Variants in CEP112 observed in about 807,000 individuals in gnomAD.
CEP112 encodes centrosomal protein of 112 kDa.
In CEP112, 127 loss-of-function variants were observed where a neutral mutation model predicts 153.0. The ratio of observed to expected loss-of-function variants is 0.83; its 90% CI spans 0.72 to 0.96. CEP112 has a LOEUF of 0.96. Among genes scored for constraint, CEP112 ranks in the 40% least tolerant of loss-of-function variants. CEP112 has a pLI of 0.00. For synonymous variants in CEP112, 358 were observed against 374.4 expected (o/e 0.96, Z 0.51); for missense variants, 1,089 against 1,101.2 (o/e 0.99, Z 0.16).
chr17:65,916,538 T>TA (rs2060498999), intron 19 of CEP112, among the ~76,000 whole-genome samples: 27 of 150,936 alleles, frequency 1.8e-4, no homozygotes, highest in Non-Finnish European at 2.1e-4. Context: ...GAAAACAGCT[T>TA]CTTTTTTTTT....
At chr17:66,154,377 TG>T (rs544661195) in intron 4 of CEP112, among the ~76,000 whole-genome samples, 29 of 149,096 alleles carry the variant, frequency 1.9e-4, no homozygotes, top group South Asian at 8.7e-4. Flanking sequence ...TAGCTGGGTG[TG>T]GGGGGGGGAG....
At chr17:65,892,689 A>C (rs1274281159) in intron 20 of CEP112, among the ~76,000 whole-genome samples, 1 of 152,130 alleles carries the variant, frequency 6.6e-6, no homozygotes, top group Non-Finnish European at 1.5e-5. Context: ...GTCTAACGAC[A>C]GCTTTGGCAG....
At chr17:65,927,775 C>T in intron 18 of CEP112, 86 bp from the exon 19 acceptor site, 1 of 733,066 alleles carries the variant, frequency 1.4e-6, no homozygotes, top group Non-Finnish European at 2.1e-6. Context: ...GTTTAAATGA[C>T]AGATTTTAAG....
At chr17:66,111,603 AG>A (rs910831231) in intron 6 of CEP112, among the ~76,000 whole-genome samples, 3 of 152,236 alleles carry the variant, frequency 2.0e-5, no homozygotes, top group African/African-American at 7.2e-5. Context: ...TTAAAAACAC[AG>A]GAACAGAAAA....
In CEP112 at chr17:65,826,535, T is replaced by C. The variant is rs2056848497; in HGVS notation, c.2394+25269A>G. ...ACACTGCCTGGCTCAGTTCCTGATG[T>C]CAGCTAATGTGATGCCAGGGCTAAA... On this transcript the variant is annotated intron_variant, in intron 21 of 26. Coordinates refer to ENST00000535342, the MANE Select transcript of CEP112 (RefSeq NM_001199165.4). 4 of 1,346,506 alleles carry C rather than the reference T, an allele frequency of 3.0e-6. No individual in the cohort carries two copies. In the East Asian group the frequency reaches 1.3e-4, roughly 43 times the overall value. 83.4% of individuals were successfully genotyped at this position (1,346,506 alleles called of 1,614,324 possible). A position where few individuals can be genotyped will look rare whatever the true frequency, so the allele number is the denominator to read the frequency against.
intron 21 of CEP112, among the ~76,000 whole-genome samples, chr17:65,815,431 T>C (rs1039526960): frequency 6.6e-6 from 1 of 152,110 alleles, no homozygotes; most frequent in Non-Finnish European, 1.5e-5. Context: ...TATAGCTTTA[T>C]GGTTAGTCAT....
At chr17:65,806,656 T>A (rs757790271) in intron 21 of CEP112, among the ~76,000 whole-genome samples, 4 of 152,160 alleles carry the variant, frequency 2.6e-5, no homozygotes, top group Non-Finnish European at 4.4e-5. Context: ...GGTTTAAAAA[T>A]GTGTGGCACT....
At chr17:65,675,938 TACTA>T (rs1211846033) in intron 24 of CEP112, among the ~76,000 whole-genome samples, 1 of 152,196 alleles carries the variant, frequency 6.6e-6, no homozygotes, top group Non-Finnish European at 1.5e-5. Flanking sequence ...AATGAACTCT[TACTA>T]AGAATAGAAA....
intron 12 of CEP112, among the ~76,000 whole-genome samples, chr17:66,034,411 T>A (rs2065620559): frequency 6.6e-6 from 1 of 152,196 alleles, no homozygotes. Flanking sequence ...TTTCTTTTTT[T>A]CCTTATATGA....
intron 19 of CEP112, among the ~76,000 whole-genome samples, chr17:65,921,445 A>AT (rs1309811782): frequency 6.6e-6 from 1 of 152,054 alleles, no homozygotes; most frequent in African/African-American, 2.4e-5. Context: ...GAAAAAAAAA[A>AT]GCTAACTAAA....
chr17:65,952,456 C>T (rs2144650679), intron 18 of CEP112, among the ~76,000 whole-genome samples: 1 of 152,104 alleles, frequency 6.6e-6, no homozygotes, highest in South Asian at 2.1e-4. Flanking sequence ...TAATTCATTC[C>T]TTTTCACTGC....
intron 1 of CEP112, among the ~76,000 whole-genome samples, chr17:66,184,669 C>T (rs2072855454): frequency 2.0e-5 from 3 of 152,154 alleles, no homozygotes; most frequent in African/African-American, 7.2e-5. Context: ...AGTACAGGCA[C>T]TCTGGAAAAC....
intron 12 of CEP112, among the ~76,000 whole-genome samples, chr17:66,038,186 A>G (rs200671992): frequency 6.6e-6 from 1 of 152,106 alleles, no homozygotes; most frequent in East Asian, 1.9e-4. Flanking sequence ...CCAAGACATA[A>G]CTGCTGTTAG....
chr17:65,689,073 C>G, intron 24 of CEP112, 56 bp downstream of exon 24: 1 of 1,298,332 alleles, frequency 7.7e-7, no homozygotes, highest in East Asian at 2.3e-5. Context: ...TGGCTGCACA[C>G]ACTTCTTGAC....
At chr17:65,700,263 C>T (rs76510774) in intron 23 of CEP112, among the ~76,000 whole-genome samples, 1,739 of 152,252 alleles carry the variant, frequency 0.011, 29 homozygotes, top group African/African-American at 0.039. Flanking sequence ...ATGTACCAGA[C>T]GTGGTACTAA....
chr17:66,168,477 G>A (rs1244107004), intron 4 of CEP112, among the ~76,000 whole-genome samples: 2 of 149,800 alleles, frequency 1.3e-5, no homozygotes, highest in East Asian at 2.0e-4. Flanking sequence ...GTGTATATAT[G>A]TATATATGTG....
intron 23 of CEP112, among the ~76,000 whole-genome samples, chr17:65,714,679 A>G (rs1641231041): frequency 6.6e-6 from 1 of 152,144 alleles, no homozygotes; most frequent in South Asian, 2.1e-4. Flanking sequence ...TCAACTACTC[A>G]CAACAGTATT....
chr17:65,821,540 A>ATATATT (rs1568067713), intron 21 of CEP112, among the ~76,000 whole-genome samples: 4 of 33,628 alleles, frequency 1.2e-4, no homozygotes, highest in African/African-American at 5.7e-4. Flanking sequence ...ATATATATAT[A>ATATATT]TTTTTTTTTT....
intron 18 of CEP112, among the ~76,000 whole-genome samples, chr17:65,930,580 T>C (rs904478393): frequency 3.0e-4 from 46 of 152,392 alleles, no homozygotes; most frequent in Middle Eastern, 3.4e-3. Context: ...CTAAGATTAC[T>C]GATTCATAGA....
Sources: gnomAD v4.1 joint callset for allele counts (sites outside exome capture counted in the v4.1 genomes callset) on GRCh38, gnomAD v4.1.1 for gene constraint, MANE v1.5 for transcripts, NCBI Gene and HGNC (gene_info 2026-07-23, HGNC 2026-07-21) for gene names.